Variants in HDAC8 observed in about 807,000 individuals in gnomAD.
HDAC8 encodes histone deacetylase 8.
Under a neutral mutation model 32.2 loss-of-function variants are expected in HDAC8, and 1 was observed. The ratio of observed to expected loss-of-function variants is 0.03; its 90% confidence interval spans 0.01 to 0.15. HDAC8 has a LOEUF of 0.15. Ranked by LOEUF, HDAC8 falls within the 10% of genes least tolerant of loss-of-function variation. HDAC8 has a pLI of 1.00. For synonymous variants in HDAC8, 108 were observed against 113.9 expected (o/e 0.95, Z 0.33); for missense variants, 117 against 300.0 (o/e 0.39, Z 4.51).
intron 10 of HDAC8, among the ~76,000 whole-genome samples, chrX:72,342,667 C>T (rs782184636): frequency 1.8e-4 from 20 of 111,894 alleles, no homozygotes; most frequent in African/African-American, 6.5e-4. Flanking sequence ...CTTAATTAAA[C>T]ATATTAGAGG....
chrX:72,397,181 C>T, intron 9 of HDAC8, among the ~76,000 whole-genome samples: 1 of 111,450 alleles, frequency 9.0e-6, no homozygotes, highest in East Asian at 2.8e-4. Flanking sequence ...GGGATCTGCC[C>T]CCATGATCCA....
At chrX:72,537,215 C>A (rs1313998858) in intron 4 of HDAC8, among the ~76,000 whole-genome samples, 1 of 112,056 alleles carries the variant, frequency 8.9e-6, no homozygotes, top group East Asian at 2.8e-4. Flanking sequence ...AACCTTTAAT[C>A]AGAAACAAAA....
chrX:72,518,984 A>G (rs1394553919), intron 4 of HDAC8, among the ~76,000 whole-genome samples: 1 of 112,645 alleles, frequency 8.9e-6, no homozygotes, highest in African/African-American at 3.2e-5. Flanking sequence ...CTACTGATGG[A>G]CATTTTGCTT....
chrX:72,461,487 C>G (rs782540832), intron 9 of HDAC8, among the ~76,000 whole-genome samples: 11 of 111,823 alleles, frequency 9.8e-5, no homozygotes, highest in Non-Finnish European at 1.9e-4. Context: ...CTATTCCAGC[C>G]TCTGTGTGCC....
chrX:72,363,972 A>T (rs2044628314), intron 9 of HDAC8, among the ~76,000 whole-genome samples: 1 of 111,776 alleles, frequency 8.9e-6, no homozygotes, highest in Non-Finnish European at 1.9e-5. Flanking sequence ...GTTGAGAAAG[A>T]TTCTGAAGCT....
chrX:72,333,588 G>A (rs1555941351), intron 10 of HDAC8, among the ~76,000 whole-genome samples: 1 of 109,789 alleles, frequency 9.1e-6, no homozygotes, highest in Non-Finnish European at 1.9e-5. Context: ...CTACTGGGGA[G>A]GCTGAGGCAG....
intron 4 of HDAC8, among the ~76,000 whole-genome samples, chrX:72,497,964 C>T (rs1218058018): frequency 3.6e-5 from 4 of 110,715 alleles, no homozygotes; most frequent in African/African-American, 9.8e-5. Flanking sequence ...AATGAACATG[C>T]TATTTTTTGC....
chrX:72,425,756 C>T (rs782532625), intron 9 of HDAC8, among the ~76,000 whole-genome samples: 3 of 111,266 alleles, frequency 2.7e-5, no homozygotes, highest in South Asian at 3.8e-4. Context: ...TGCTTCATTT[C>T]CCCCCCATCC....
chrX:72,363,113 CA>C (rs80272932), intron 9 of HDAC8, among the ~76,000 whole-genome samples: 16,049 of 111,051 alleles, frequency 0.14, 1,213 homozygotes, highest in East Asian at 0.56. Context: ...GGTATGGTTT[CA>C]AGAGTTTTAG....
intron 4 of HDAC8, among the ~76,000 whole-genome samples, chrX:72,526,592 AATTAAGGATTGTT>A (rs2050159178): frequency 9.0e-6 from 1 of 111,156 alleles, no homozygotes; most frequent in South Asian, 4.0e-4. Flanking sequence ...ATATTTGTTG[AATTAAGGATTGTT>A]ACTTGCACAT....
At chrX:72,338,786 C>T (rs1009281895) in intron 10 of HDAC8, among the ~76,000 whole-genome samples, 9 of 104,104 alleles carry the variant, frequency 8.6e-5, no homozygotes, top group African/African-American at 2.4e-4. Flanking sequence ...CAGTGGCTCA[C>T]GCCTGTAATC....
intron 4 of HDAC8, 115 bp downstream of exon 4, chrX:72,567,774 G>T: frequency 8.3e-7 from 1 of 1,211,042 alleles, no homozygotes; most frequent in South Asian, 1.8e-5. Context: ...GCCTTGTAAA[G>T]TGCCACATAC....
At chrX:72,555,460 C>T (rs782047069) in intron 4 of HDAC8, among the ~76,000 whole-genome samples, 2 of 111,669 alleles carry the variant, frequency 1.8e-5, no homozygotes, top group East Asian at 5.6e-4. Context: ...AATCAAGGAG[C>T]CACCAGAGAA....
chrX:72,354,188 C>G (rs1555949761), intron 9 of HDAC8, among the ~76,000 whole-genome samples: 1 of 112,379 alleles, frequency 8.9e-6, no homozygotes, highest in Admixed American at 9.4e-5. Context: ...TCATACATAA[C>G]CCATTCTTTG....
At chrX:72,417,577 A>C (rs1555972197) in intron 9 of HDAC8, among the ~76,000 whole-genome samples, 1 of 112,131 alleles carries the variant, frequency 8.9e-6, no homozygotes, top group East Asian at 2.8e-4. Context: ...AGATGACACA[A>C]ACAAATGGAA....
chrX:72,496,049 A>C (rs542766713), intron 4 of HDAC8, among the ~76,000 whole-genome samples: 1 of 111,530 alleles, frequency 9.0e-6, no homozygotes, highest in African/African-American at 3.2e-5. Context: ...GTCAAATAAC[A>C]TTCTTTATCA....
At chrX:72,521,505 C>T (rs930948133) in intron 4 of HDAC8, among the ~76,000 whole-genome samples, 2 of 110,890 alleles carry the variant, frequency 1.8e-5, no homozygotes, top group Middle Eastern at 4.6e-3. Context: ...CTGAGAGAAA[C>T]GGCTGATTCC....
chrX:72,474,025 G>A, intron 7 of HDAC8: 1 of 627,166 alleles, frequency 1.6e-6, no homozygotes, highest in African/African-American at 2.4e-5. Context: ...TGATCTTGCT[G>A]TACCCTGTGT....
chrX:72,336,345 A>G (rs1180394755), intron 10 of HDAC8, among the ~76,000 whole-genome samples: 1 of 112,280 alleles, frequency 8.9e-6, no homozygotes, highest in Non-Finnish European at 1.9e-5. Context: ...AAAAGTAATA[A>G]TGCATTCAGT....
Sources: gnomAD v4.1 joint callset for allele counts (sites outside exome capture counted in the v4.1 genomes callset) on GRCh38, gnomAD v4.1.1 for gene constraint, MANE v1.5 for transcripts, NCBI Gene and HGNC (gene_info 2026-07-23, HGNC 2026-07-21) for gene names.